Variants in PLA2G12B observed in about 807,000 individuals in gnomAD.
The protein encoded by PLA2G12B is phospholipase A2 group XIIB.
Under a neutral mutation model 22.3 loss-of-function variants are expected in PLA2G12B, and 19 were observed. The observed-to-expected ratio is 0.85, with a 90% CI of 0.60 to 1.25. The LOEUF is 1.25. Ranked by LOEUF, PLA2G12B falls within the 50% of genes most tolerant of loss-of-function variation. The pLI, the probability that PLA2G12B is intolerant of heterozygous loss-of-function variation, is 0.00. For missense variants in PLA2G12B, 191 were observed against 246.6 expected, an observed-to-expected ratio of 0.77 and a Z score of 1.51; for synonymous variants, 81 against 94.9, an observed-to-expected ratio of 0.85 and a Z score of 0.85.
chr10:72,954,614 G>C lies in PLA2G12B; in HGVS notation c.72C>G (p.Ser24Arg), dbSNP rs749224129. 6.3e-5 allele frequency: 101 copies of C among 1,614,144 alleles called. No homozygotes were observed. The Middle Eastern group carries it at 2.3e-3, about 37-fold the overall frequency. The change falls in exon 1 of 4, where the codon AGC becomes AGG. Residue 24 changes from serine (S) to arginine (R), a missense_variant. By Grantham distance (110) the Ser-to-Arg change is moderately radical. Transcript: ENST00000373032. The part of the protein sequence containing the change: ...LGGGLAQSDT[S>R]PDTEESYSDW... Reference sequence around the variant, plus strand: ...CTGAATAGGACTCCTCCGTGTCAGGGCTCGTGTCGCTCTGAGCCAGGCCAC... The same window carrying C: ...CTGAATAGGACTCCTCCGTGTCAGGCCTCGTGTCGCTCTGAGCCAGGCCAC...
At position 72,935,710 on chromosome 10, in the gene PLA2G12B, C is replaced by T. The variant is rs1157611451; in HGVS notation, c.495G>A (p.Val165=). ...AGCCCAAGGTCCACACGGTGTTGAACACAGTGTCAACCAGGGAATCACAGG... is the reference window on the plus strand; with the variant it reads ...AGCCCAAGGTCCACACGGTGTTGAATACAGTGTCAACCAGGGAATCACAGG... ...EAACDSLVDT[V]FNTVWTLGCR... Residue 165 remains valine, a synonymous_variant, in exon 4 of 4, where the codon GTG becomes GTA. Coordinates refer to ENST00000373032, the MANE Select transcript of PLA2G12B (RefSeq NM_032562.5). 6.2e-7 allele frequency: 1 copy of T among 1,614,012 alleles called. No individual in the cohort carries two copies. Among genetic ancestry groups the T allele is most frequent in the Non-Finnish European group, 8.5e-7 (1 of 1,179,994 alleles).
intron 3 of PLA2G12B, among the ~76,000 whole-genome samples, chr10:72,938,275 T>G (rs1175529442): frequency 6.6e-6 from 1 of 152,204 alleles, no homozygotes; most frequent in Non-Finnish European, 1.5e-5. Context: ...GCTTTTACTC[T>G]AAGATCAGGA....
rs1165433835 is a variant in PLA2G12B at position 72,941,341 on chromosome 10, A to G, written c.301-7T>C. The G allele has an allele frequency of 1.2e-6, 2 of 1,611,780 alleles. No individual in the cohort carries two copies. The highest frequency in any genetic ancestry group is 2.2e-5 in the South Asian group (2 of 90,942). On this transcript the variant is annotated splice_polypyrimidine_tract_variant and splice_region_variant and intron_variant, in intron 2 of 3. Transcript: ENST00000373032. Reference sequence around the variant, plus strand: ...CTGGAATGCCCAAGTCCATCTGGGGAAAAGTGAAGGAAGGGAAAAGAAGGG... The same window carrying G: ...CTGGAATGCCCAAGTCCATCTGGGGGAAAGTGAAGGAAGGGAAAAGAAGGG...
intron 1 of PLA2G12B, among the ~76,000 whole-genome samples, chr10:72,953,000 G>A (rs1846556675): frequency 6.6e-6 from 1 of 152,198 alleles, no homozygotes; most frequent in African/African-American, 2.4e-5. Flanking sequence ...CCTTTAGGAA[G>A]GAAAACACCT....
chr10:72,946,920 T>A (rs1009832873), intron 1 of PLA2G12B, among the ~76,000 whole-genome samples: 1 of 151,846 alleles, frequency 6.6e-6, no homozygotes, highest in Non-Finnish European at 1.5e-5. Context: ...TGTTTTCATC[T>A]TCTTTTTTTT....
intron 1 of PLA2G12B, among the ~76,000 whole-genome samples, chr10:72,950,531 A>T (rs1846512831): frequency 6.6e-6 from 1 of 152,182 alleles, no homozygotes; most frequent in African/African-American, 2.4e-5. Flanking sequence ...CCCAGGCTGG[A>T]GTGCAATGGC....
At chr10:72,951,899 C>T (rs917804491) in intron 1 of PLA2G12B, among the ~76,000 whole-genome samples, 2 of 152,132 alleles carry the variant, frequency 1.3e-5, no homozygotes, top group Non-Finnish European at 2.9e-5. Context: ...ATGAGAAGCA[C>T]GGAAAACAAT....
At chr10:72,949,593 A>G (rs1026193848) in intron 1 of PLA2G12B, among the ~76,000 whole-genome samples, 3 of 152,256 alleles carry the variant, frequency 2.0e-5, no homozygotes, top group Non-Finnish European at 4.4e-5. Context: ...ACAGATAATG[A>G]TAACGAATGA....
At chr10:72,952,839 C>CT (rs1846553478) in intron 1 of PLA2G12B, among the ~76,000 whole-genome samples, 1 of 152,200 alleles carries the variant, frequency 6.6e-6, no homozygotes, top group African/African-American at 2.4e-5. Flanking sequence ...GGCTTCCACC[C>CT]TGCCCAGCCA....
Position 72,938,443 on chromosome 10 carries a change from T to A in PLA2G12B, c.467-2705A>T, listed in dbSNP as rs183466997. On this transcript the variant is annotated intron_variant, in intron 3 of 3. Coordinates refer to ENST00000373032, the MANE Select transcript of PLA2G12B (RefSeq NM_032562.5). ...CTTATATACAAAAAAGCCTATGGAATCCATGAAAAAAAATATTAGAACTAA... is the reference window on the plus strand; with the variant it reads ...CTTATATACAAAAAAGCCTATGGAAACCATGAAAAAAAATATTAGAACTAA... Among the ~76,000 whole-genome samples, 313 of 152,008 alleles carry A rather than the reference T, an allele frequency of 2.1e-3. 1 individual carries two copies. Among genetic ancestry groups the A allele is most frequent in the East Asian group, 3.9e-3 (20 of 5,182 alleles).
Position 72,941,520 on chromosome 10 carries a change from A to G in PLA2G12B, c.301-186T>C, listed in dbSNP as rs1311483815. 2.0e-5 allele frequency among the ~76,000 whole-genome samples: 3 copies of G among 152,182 alleles called. No individual in the cohort carries two copies. In the East Asian group the frequency reaches 5.8e-4, roughly 29 times the overall value. On this transcript the variant is annotated intron_variant, in intron 2 of 3. Transcript: ENST00000373032. ...AACAGTCACAGGATTACAAGTGTTC[A>G]TTGTTACTTAGTTATTAGTTCAGTA...
chr10:72,947,051 C>G (rs2132976496), intron 1 of PLA2G12B, among the ~76,000 whole-genome samples: 1 of 151,918 alleles, frequency 6.6e-6, no homozygotes, highest in Middle Eastern at 3.4e-3. Flanking sequence ...AGCTGTCCAA[C>G]TAGCTATGAC....
chr10:72,952,866 A>C (rs150228445), intron 1 of PLA2G12B, among the ~76,000 whole-genome samples: 751 of 152,242 alleles, frequency 4.9e-3, no homozygotes, highest in Non-Finnish European at 8.4e-3. Context: ...CCGCAACTAA[A>C]ATTTGCTTAA....
At chr10:72,944,015 CCTTCCTTT>C (rs1019898002) in intron 1 of PLA2G12B, among the ~76,000 whole-genome samples, 7 of 150,096 alleles carry the variant, frequency 4.7e-5, no homozygotes, top group Admixed American at 3.3e-4. Context: ...TTTCTTCCTT[CCTTCCTTT>C]CTTCCTTTCT....
At chr10:72,950,231 C>T (rs1359075131) in intron 1 of PLA2G12B, among the ~76,000 whole-genome samples, 2 of 152,140 alleles carry the variant, frequency 1.3e-5, no homozygotes, top group East Asian at 1.9e-4. Context: ...ATCCCAGGAG[C>T]ATCTCCCCTC....
At chr10:72,941,056 G>T in intron 3 of PLA2G12B, 113 bp downstream of exon 3, 1 of 1,185,834 alleles carries the variant, frequency 8.4e-7, no homozygotes, top group Non-Finnish European at 1.2e-6. Context: ...GTTCCATAAA[G>T]AATATTCAGT....
intron 3 of PLA2G12B, among the ~76,000 whole-genome samples, chr10:72,936,777 T>A (rs922951700): frequency 1.6e-4 from 25 of 152,206 alleles, no homozygotes; most frequent in Non-Finnish European, 3.1e-4. Flanking sequence ...TCAATTTTTT[T>A]AAATTGGTTC....
At chr10:72,945,646 T>C (rs1300049445) in intron 1 of PLA2G12B, among the ~76,000 whole-genome samples, 1 of 141,622 alleles carries the variant, frequency 7.1e-6, no homozygotes. Flanking sequence ...GCAGTTGCCA[T>C]TATGATGTTT....
intron 1 of PLA2G12B, among the ~76,000 whole-genome samples, chr10:72,943,132 A>G (rs1293018758): frequency 6.6e-6 from 1 of 151,854 alleles, no homozygotes; most frequent in Non-Finnish European, 1.5e-5. Flanking sequence ...CGCCCAGCTA[A>G]TTTTTGTATT....
Sources: allele counts gnomAD v4.1 joint callset (sites outside exome capture counted in the v4.1 genomes callset), GRCh38; gene constraint gnomAD v4.1.1; transcripts MANE v1.5; gene names NCBI Gene and HGNC (gene_info 2026-07-23, HGNC 2026-07-21).